C13orf42: variants seen among roughly 807,000 people sequenced by gnomAD.
The protein encoded by C13orf42 is uncharacterized protein C13orf42.
intron 1 of C13orf42, among the ~76,000 whole-genome samples, chr13:51,150,370 TTTATTC>T (rs2138037828): frequency 6.6e-6 from 1 of 152,200 alleles, no homozygotes; most frequent in East Asian, 1.9e-4. Flanking sequence ...AATACTGGGC[TTTATTC>T]TTATTATATA....
At chr13:51,123,435 C>T (rs937843020) in intron 1 of C13orf42, among the ~76,000 whole-genome samples, 18 of 152,218 alleles carry the variant, frequency 1.2e-4, no homozygotes, top group African/African-American at 3.9e-4. Context: ...ACACACATCA[C>T]TTCTGCTCAC....
chr13:51,086,987 C>A (rs747968344), intron 2 of C13orf42, among the ~76,000 whole-genome samples: 7 of 152,184 alleles, frequency 4.6e-5, no homozygotes, highest in Non-Finnish European at 7.3e-5. Context: ...TCACAAGCTT[C>A]TTTCAAGCAT....
At chr13:51,090,271 C>T (rs1333259281) in intron 1 of C13orf42, among the ~76,000 whole-genome samples, 2 of 152,228 alleles carry the variant, frequency 1.3e-5, no homozygotes, top group Non-Finnish European at 2.9e-5. Context: ...ACTGCTCCTT[C>T]TCCAGGAAGG....
intron 1 of C13orf42, among the ~76,000 whole-genome samples, chr13:51,121,538 C>CTT (rs374108603): frequency 0.48 from 66,732 of 137,602 alleles, 17,129 homozygotes; most frequent in South Asian, 0.69. Context: ...AAAAAATTTT[C>CTT]TTTTTTTTTT....
At chr13:51,144,926 A>C (rs1460585055) in intron 1 of C13orf42, among the ~76,000 whole-genome samples, 2 of 152,280 alleles carry the variant, frequency 1.3e-5, no homozygotes, top group African/African-American at 4.8e-5. Flanking sequence ...AATTAGGCCA[A>C]GTATAATAAG....
rs1468389367 is a variant in C13orf42 at position 51,110,833 on chromosome 13, T to C, written c.377A>G (p.Lys126Arg). The C allele has an allele frequency of 4.0e-5, 16 of 398,544 alleles. No individual in the cohort carries two copies. Among genetic ancestry groups the C allele is most frequent in the Non-Finnish European group, 6.2e-5 (14 of 226,084 alleles). The allele number at this position is 398,544 out of a possible 1,614,324, so 24.7% of individuals were successfully genotyped here. A position where few individuals can be genotyped will look rare whatever the true frequency, so the allele number is the denominator to read the frequency against. The stretch of plus-strand genomic sequence containing the variant: ...GGGAGTAGACCGGACAGGAGTCTTT[T>C]TCCCTCCCTTGGAGGATTTGGAGGA... ...STSSKSSKGG[K>R]KTPVRSTPKE... The change falls in exon 1 of 4, where the codon AAA (lysine) becomes AGA (arginine). Residue 126 changes from lysine (K) to arginine (R), a missense_variant. Physicochemically the swap from Lys to Arg is conservative, Grantham distance 26. Coordinates refer to ENST00000563710, the MANE Select transcript of C13orf42 (RefSeq NM_001351589.3).
upstream of C13orf42, among the ~76,000 whole-genome samples, chr13:51,111,534 C>A (rs1255328682): frequency 6.6e-6 from 1 of 152,212 alleles, no homozygotes; most frequent in Non-Finnish European, 1.5e-5. Context: ...TGGAAGGCCC[C>A]AGCTGGATGA....
intron 1 of C13orf42, among the ~76,000 whole-genome samples, chr13:51,141,204 C>G (rs1953693947): frequency 6.9e-6 from 1 of 145,914 alleles, no homozygotes; most frequent in Non-Finnish European, 1.5e-5. Flanking sequence ...TCTCCTAAGA[C>G]CTTGTCTTTT....
At chr13:51,107,560 C>G (rs538600389) in intron 1 of C13orf42, among the ~76,000 whole-genome samples, 3 of 152,136 alleles carry the variant, frequency 2.0e-5, no homozygotes, top group African/African-American at 4.8e-5. Context: ...GGCTTGCATC[C>G]GGATGGAGGG....
chr13:51,155,191 T>C (rs1953815335), intron 1 of C13orf42, among the ~76,000 whole-genome samples: 1 of 152,204 alleles, frequency 6.6e-6, no homozygotes, highest in African/African-American at 2.4e-5. Flanking sequence ...ATGCAGGAGC[T>C]ACATGAATAA....
intron 1 of C13orf42, among the ~76,000 whole-genome samples, chr13:51,141,417 C>T (rs923081357): frequency 4.0e-5 from 6 of 151,750 alleles, no homozygotes; most frequent in Admixed American, 3.9e-4. Context: ...CATCAGCAGG[C>T]CTAATACGTT....
intron 1 of C13orf42, among the ~76,000 whole-genome samples, chr13:51,132,963 C>T (rs146692217): frequency 9.1e-4 from 139 of 152,188 alleles, no homozygotes; most frequent in African/African-American, 3.2e-3. Flanking sequence ...CCCTCACCAG[C>T]GCCATGACAG....
intron 1 of C13orf42, among the ~76,000 whole-genome samples, chr13:51,092,819 T>G (rs1242283057): frequency 6.6e-6 from 1 of 152,080 alleles, no homozygotes; most frequent in Non-Finnish European, 1.5e-5. Context: ...TATAAAAAAT[T>G]TTTCAATACA....
At chr13:51,091,992 A>G (rs1225141509) in intron 1 of C13orf42, among the ~76,000 whole-genome samples, 1 of 152,072 alleles carries the variant, frequency 6.6e-6, no homozygotes, top group Non-Finnish European at 1.5e-5. Flanking sequence ...GACTCCATCC[A>G]TCCCCTGCTG....
chr13:51,100,804 T>C (rs1470426036), intron 1 of C13orf42, among the ~76,000 whole-genome samples: 1 of 152,192 alleles, frequency 6.6e-6, no homozygotes, highest in Non-Finnish European at 1.5e-5. Context: ...CTTCAACCCA[T>C]TAATCACACT....
chr13:51,089,592 G>A (rs1953162494), intron 1 of C13orf42, among the ~76,000 whole-genome samples: 1 of 151,930 alleles, frequency 6.6e-6, no homozygotes, highest in African/African-American at 2.4e-5. Context: ...CACCATGATT[G>A]TAAGTTTCCT....
chr13:51,129,464 C>T (rs1042968898), intron 1 of C13orf42, among the ~76,000 whole-genome samples: 5 of 152,012 alleles, frequency 3.3e-5, no homozygotes, highest in Non-Finnish European at 5.9e-5. Flanking sequence ...CCTTCATGAC[C>T]GACAAGGGAC....
chr13:51,085,352 G>C lies in C13orf42; in HGVS notation c.770C>G (p.Thr257Ser), dbSNP rs1953110163. The C allele has an allele frequency of 1.3e-5, 5 of 398,558 alleles. No individual in the cohort carries two copies. In the East Asian group the frequency reaches 1.8e-4, roughly 14 times the overall value. The allele number at this position is 398,558 out of a possible 1,614,324, so 24.7% of individuals were successfully genotyped here. A position where few individuals can be genotyped will look rare whatever the true frequency, so the allele number is the denominator to read the frequency against. The change falls in exon 3 of 4, where the codon ACC becomes AGC. Residue 257 changes from threonine (T) to serine (S), a missense_variant. Transcript: ENST00000563710. ...LPKAVEGAFN[T>S]WKFKPKACKK... ...GCAGGCTTTGGGCTTAAATTTCCAG[G>C]TGTTGAAGGCCCCTTCCACAGCCTT...
chr13:51,169,461 A>G (rs1593561346), intron 1 of C13orf42, among the ~76,000 whole-genome samples: 1 of 152,262 alleles, frequency 6.6e-6, no homozygotes, highest in Non-Finnish European at 1.5e-5. Context: ...AGCCAGCTGC[A>G]GAAATTTGCA....
Sources: gnomAD v4.1 joint callset for allele counts (sites outside exome capture counted in the v4.1 genomes callset) on GRCh38, gnomAD v4.1.1 for gene constraint, MANE v1.5 for transcripts, NCBI Gene and HGNC (gene_info 2026-07-23, HGNC 2026-07-21) for gene names.